Variants in NOS1AP observed in about 807,000 individuals in gnomAD.
NOS1AP encodes carboxyl-terminal PDZ ligand of neuronal nitric oxide synthase protein.
NOS1AP carries 21 observed loss-of-function variants against 56.2 expected under a neutral mutation model. The ratio of observed to expected loss-of-function variants is 0.37; its 90% confidence interval spans 0.26 to 0.54. The LOEUF is 0.54. Among genes scored for constraint, NOS1AP ranks in the 20% least tolerant of loss-of-function variants. The pLI is 0.84. For missense variants in NOS1AP, 522 were observed against 657.8 expected, an observed-to-expected ratio of 0.79 and a Z score of 2.26; for synonymous variants, 270 against 274.6, an observed-to-expected ratio of 0.98 and a Z score of 0.17.
intron 4 of NOS1AP, among the ~76,000 whole-genome samples, chr1:162,317,527 CAGCTGATGAAGGGGAATTTGA>C (rs1656269523): frequency 6.6e-6 from 1 of 152,152 alleles, no homozygotes; most frequent in South Asian, 2.1e-4. Context: ...TCAAACACCT[CAGCTGATGAAGGGGAATTTGA>C]AAAGCTAAAT....
At chr1:162,289,511 G>A (rs1405520658) in intron 3 of NOS1AP, among the ~76,000 whole-genome samples, 3 of 106,348 alleles carry the variant, frequency 2.8e-5, no homozygotes, top group African/African-American at 1.1e-4. Context: ...GTCTCGCTCT[G>A]TCGCCCAGGC....
intron 2 of NOS1AP, among the ~76,000 whole-genome samples, chr1:162,177,345 T>C (rs1337289129): frequency 6.6e-6 from 1 of 152,190 alleles, no homozygotes; most frequent in Non-Finnish European, 1.5e-5. Context: ...ACCAGAGTGT[T>C]TGTTACACAG....
chr1:162,242,047 T>G (rs1328807363), intron 2 of NOS1AP, among the ~76,000 whole-genome samples: 1 of 152,242 alleles, frequency 6.6e-6, no homozygotes, highest in African/African-American at 2.4e-5. Context: ...GAAGTTTCCT[T>G]ATTCAGGAAG....
intron 2 of NOS1AP, among the ~76,000 whole-genome samples, chr1:162,172,188 C>A (rs1650821007): frequency 6.6e-6 from 1 of 152,124 alleles, no homozygotes; most frequent in Non-Finnish European, 1.5e-5. Flanking sequence ...GGGAGAGGGA[C>A]AAGAGGAGAC....
chr1:162,225,967 G>C (rs1291992786), intron 2 of NOS1AP, among the ~76,000 whole-genome samples: 1 of 152,218 alleles, frequency 6.6e-6, no homozygotes, highest in Non-Finnish European at 1.5e-5. Flanking sequence ...ACGAAAGCAA[G>C]ATAAAAATAT....
intron 2 of NOS1AP, among the ~76,000 whole-genome samples, chr1:162,246,937 T>C (rs1202016616): frequency 3.9e-5 from 6 of 152,240 alleles, no homozygotes; most frequent in African/African-American, 1.4e-4. Flanking sequence ...GAATCAGGGA[T>C]TTTTAAATTT....
chr1:162,331,244 G>T (rs917271445), intron 4 of NOS1AP, among the ~76,000 whole-genome samples: 3 of 152,162 alleles, frequency 2.0e-5, no homozygotes, highest in African/African-American at 7.2e-5. Context: ...AGACATGTGA[G>T]ATGTACTGAA....
intron 2 of NOS1AP, among the ~76,000 whole-genome samples, chr1:162,285,619 G>A (rs1655065119): frequency 6.6e-6 from 1 of 151,970 alleles, no homozygotes; most frequent in Non-Finnish European, 1.5e-5. Flanking sequence ...AAAAAATCCT[G>A]TCAGATGCGC....
At chr1:162,111,514 G>T (rs1647710618) in intron 1 of NOS1AP, among the ~76,000 whole-genome samples, 1 of 152,186 alleles carries the variant, frequency 6.6e-6, no homozygotes, top group Non-Finnish European at 1.5e-5. Flanking sequence ...ATTTCTTTCA[G>T]ACCATGGGCT....
chr1:162,328,604 A>T lies in NOS1AP; in HGVS notation c.345-4413A>T, dbSNP rs191373777. ...GAGTGAGGTACAGCACAATGATCAT[A>T]CCTGTTTCACAGGTGAAGAACAAGA... On this transcript the variant is annotated intron_variant, in intron 4 of 9. Transcript: ENST00000361897. Among the ~76,000 whole-genome samples the T allele has an allele frequency of 2.1e-3, 314 of 152,282 alleles. 2 individuals carry two copies. The highest frequency in any genetic ancestry group is 7.2e-3 in the African/African-American group (299 of 41,554).
At chr1:162,076,463 A>G (rs1691769535) in intron 1 of NOS1AP, among the ~76,000 whole-genome samples, 1 of 152,212 alleles carries the variant, frequency 6.6e-6, no homozygotes, top group African/African-American at 2.4e-5. Context: ...TGTAGTTCAC[A>G]TACCATACAA....
chr1:162,165,727 T>A (rs1650462074), intron 2 of NOS1AP, among the ~76,000 whole-genome samples: 1 of 152,184 alleles, frequency 6.6e-6, no homozygotes, highest in Non-Finnish European at 1.5e-5. Flanking sequence ...GCATTGTCTG[T>A]GTCCCTGATT....
At chr1:162,297,728 T>C (rs543469966) in intron 3 of NOS1AP, among the ~76,000 whole-genome samples, 1 of 152,270 alleles carries the variant, frequency 6.6e-6, no homozygotes, top group African/African-American at 2.4e-5. Flanking sequence ...ACATGATAGA[T>C]ATAGGAACCA....
intron 2 of NOS1AP, among the ~76,000 whole-genome samples, chr1:162,162,699 A>G (rs4656356): frequency 0.99 from 150,163 of 152,326 alleles, 74,050 homozygotes; most frequent in East Asian, 1. Flanking sequence ...TTATAAATTT[A>G]TGTAAACCCT....
chr1:162,287,324 T>C lies in NOS1AP; in HGVS notation c.178-20T>C. The C allele has an allele frequency of 6.4e-7, 1 of 1,571,862 alleles. No individual in the cohort carries two copies. The highest frequency in any genetic ancestry group is 8.8e-7 in the Non-Finnish European group (1 of 1,141,540). On this transcript the variant is annotated intron_variant, in intron 2 of 9. Transcript: ENST00000361897. ...ATCTCATCAGATTGCACTTTCTTTT[T>C]GTTTTCTTCTTTCTTGCAGTATGAG... is the stretch of plus-strand genomic sequence containing the variant.
chr1:162,289,198 T>TCCTTCCTTCCTTCCTTCCTTC (rs1655187292), intron 3 of NOS1AP, among the ~76,000 whole-genome samples: 1 of 128,288 alleles, frequency 7.8e-6, no homozygotes, highest in African/African-American at 3.0e-5. Context: ...TTTCTTTCCT[T>TCCTTCCTTCCTTCCTTCCTTC]CCTTCCTTCC....
At chr1:162,313,510 C>T (rs1656120169) in intron 4 of NOS1AP, among the ~76,000 whole-genome samples, 1 of 152,132 alleles carries the variant, frequency 6.6e-6, no homozygotes. Context: ...GCAGTCTTCC[C>T]ATGATGGCTT....
chr1:162,298,669 G>GA (rs1228613782), intron 3 of NOS1AP, among the ~76,000 whole-genome samples: 2 of 152,082 alleles, frequency 1.3e-5, no homozygotes, highest in Non-Finnish European at 2.9e-5. Context: ...ACTATACCAG[G>GA]AATGAGGAAA....
chr1:162,218,824 G>A (rs1427617867), intron 2 of NOS1AP, among the ~76,000 whole-genome samples: 1 of 152,152 alleles, frequency 6.6e-6, no homozygotes, highest in Non-Finnish European at 1.5e-5. Context: ...CCAGAGGACA[G>A]ATGCAACTCT....
Sources: gnomAD v4.1 joint callset for allele counts (sites outside exome capture counted in the v4.1 genomes callset) on GRCh38, gnomAD v4.1.1 for gene constraint, MANE v1.5 for transcripts, NCBI Gene and HGNC (gene_info 2026-07-23, HGNC 2026-07-21) for gene names.